The following ALDH4A1 variants were observed in gnomAD, a reference collection of about 807,000 sequenced individuals.
The protein encoded by ALDH4A1 is aldehyde dehydrogenase 4 family member A1.
ALDH4A1 carries 46 observed loss-of-function variants against 70.5 expected under a neutral mutation model. That is an observed-to-expected ratio of 0.65 (90% CI 0.51 to 0.83). The LOEUF is 0.83. Among genes scored for constraint, ALDH4A1 ranks in the 40% least tolerant of loss-of-function variants. ALDH4A1 has a pLI of 0.00. For synonymous variants in ALDH4A1, 323 were observed against 324.3 expected, an observed-to-expected ratio of 1.00 and a Z score of 0.04; for missense variants, 749 against 766.5, an observed-to-expected ratio of 0.98 and a Z score of 0.27.
At chr1:18,891,933 CAGA>C (rs1210534012) in intron 1 of ALDH4A1, among the ~76,000 whole-genome samples, 2 of 151,714 alleles carry the variant, frequency 1.3e-5, no homozygotes, top group Non-Finnish European at 2.9e-5. Flanking sequence ...GAGGCTGAGG[CAGA>C]AGAATCACAT....
intron 1 of ALDH4A1, among the ~76,000 whole-genome samples, chr1:18,894,865 CTTT>C (rs34445898): frequency 2.3e-4 from 25 of 109,914 alleles, no homozygotes; most frequent in Admixed American, 4.1e-4. Flanking sequence ...TTCTTTCTTT[CTTT>C]TTTTTTTTTT....
intron 12 of ALDH4A1, among the ~76,000 whole-genome samples, chr1:18,876,022 A>G (rs538203208): frequency 1.4e-4 from 22 of 152,308 alleles, no homozygotes; most frequent in Non-Finnish European, 2.8e-4. Context: ...CTGGCCCCAC[A>G]GTAAAAGTCT....
intron 9 of ALDH4A1, 80 bp from the exon 10 acceptor site, chr1:18,877,692 C>A: frequency 6.6e-7 from 1 of 1,513,466 alleles, no homozygotes; most frequent in Non-Finnish European, 9.0e-7. Context: ...CCACCTACGC[C>A]ATCCATGGCC....
Position 18,885,478 on chromosome 1 carries a change from C to T in ALDH4A1, c.448G>A (p.Gly150Arg). The change falls in exon 5 of 15, where the codon GGA (glycine) becomes AGA (arginine). Residue 150 changes from glycine to arginine, a missense_variant. Transcript: ENST00000375341. The stretch of plus-strand genomic sequence containing the variant: ...CGGGCCCACCAGCACCTCACCTGTC[C>T]CACCATGGTCTTGGCGAGGATCTCA... The part of the protein sequence containing the change: ...RAEILAKTMV[G>R]QGKTVIQAEI... 1 of 1,433,202 alleles carries T rather than the reference C, an allele frequency of 7.0e-7. No homozygotes were observed. The highest frequency in any genetic ancestry group is 9.3e-7 in the Non-Finnish European group (1 of 1,073,228). 88.8% of individuals were successfully genotyped at this position (1,433,202 alleles called of 1,614,324 possible).
chr1:18,890,908 T>G, intron 1 of ALDH4A1: 1 of 985,248 alleles, frequency 1.0e-6, no homozygotes, highest in Non-Finnish European at 1.2e-6. Flanking sequence ...CTGAGAGCTC[T>G]GGCTGGGCAG....
At position 18,888,561 on chromosome 1, in the gene ALDH4A1, C is replaced by T. The variant is rs561796074; in HGVS notation, c.249+801G>A. Among the ~76,000 whole-genome samples the T allele has an allele frequency of 4.6e-5, 7 of 152,352 alleles. No individual in the cohort carries two copies. In the East Asian group the frequency reaches 1.2e-3, roughly 25 times the overall value. ...ATCCCAGCTGCCATGCAGCCTCAGA[C>T]GCCTGCGGAGCTACAGGTGAGGGCA... On this transcript the variant is annotated intron_variant, in intron 3 of 14. Transcript: ENST00000375341.
intron 1 of ALDH4A1, among the ~76,000 whole-genome samples, chr1:18,895,750 C>T (rs187416812): frequency 1.3e-5 from 2 of 152,302 alleles, no homozygotes; most frequent in Admixed American, 1.3e-4. Context: ...ACACAGAGGG[C>T]CCAGACTCCA....
At chr1:18,892,869 C>A (rs180824304) in intron 1 of ALDH4A1, among the ~76,000 whole-genome samples, 40 of 152,320 alleles carry the variant, frequency 2.6e-4, no homozygotes, top group Admixed American at 1.7e-3. Context: ...GCACGGCCCT[C>A]TTCCATCTAC....
At chr1:18,893,981 T>C (rs1036264436) in intron 1 of ALDH4A1, among the ~76,000 whole-genome samples, 3 of 152,230 alleles carry the variant, frequency 2.0e-5, no homozygotes, top group African/African-American at 7.2e-5. Context: ...AACTACTTAA[T>C]CCTTCTTTCT....
At chr1:18,878,931 T>C (rs557652195) in intron 9 of ALDH4A1, among the ~76,000 whole-genome samples, 10 of 152,376 alleles carry the variant, frequency 6.6e-5, no homozygotes, top group Non-Finnish European at 1.0e-4. Context: ...TCATTCCCAC[T>C]TCTGGTCTCT....
chr1:18,873,648 G>A (rs1934542039), intron 14 of ALDH4A1, among the ~76,000 whole-genome samples: 1 of 152,208 alleles, frequency 6.6e-6, no homozygotes, highest in Non-Finnish European at 1.5e-5. Flanking sequence ...ATGCCAAGGG[G>A]GTGGCACAGC....
chr1:18,877,516 T>C lies in ALDH4A1; in HGVS notation c.1037A>G (p.Gln346Arg). The C allele has an allele frequency of 6.2e-7, 1 of 1,611,266 alleles. No individual in the cohort carries two copies. The highest frequency in any genetic ancestry group is 8.5e-7 in the Non-Finnish European group (1 of 1,179,136). Residue 346 changes from glutamine (Q) to arginine (R), a missense_variant, in exon 10 of 15, where the codon CAG becomes CGG. Transcript: ENST00000375341. ...GAGACGCGAGCACGCGGAACACTTC[T>C]GGCCACCGTACTCGAAGGCTGAGCG... ...TLRSAFEYGG[Q>R]KCSACSRLYV...
chr1:18,881,571 CA>C (rs1378575886), intron 8 of ALDH4A1, 128 bp downstream of exon 8: 2 of 992,796 alleles, frequency 2.0e-6, no homozygotes, highest in Non-Finnish European at 3.1e-6. Context: ...CACTCATAGC[CA>C]CACAGCAAGT....
chr1:18,885,545 G>C lies in ALDH4A1; in HGVS notation c.381C>G (p.Ile127Met), dbSNP rs147348663. The C allele has an allele frequency of 6.3e-5, 102 of 1,610,550 alleles. No homozygotes were observed. Among genetic ancestry groups the C allele is most frequent in the Non-Finnish European group, 7.6e-5 (90 of 1,178,842 alleles). Residue 127 changes from isoleucine to methionine, a missense_variant, in exon 5 of 15, where the codon ATC (isoleucine) becomes ATG (methionine). Coordinates refer to ENST00000375341, the MANE Select transcript of ALDH4A1 (RefSeq NM_003748.4). ...TCAGCATGTCTGCCGCCTTCAGGAAGATCTGGGCCCGGTCTGCAATAGGCT... is the reference window on the plus strand; with the variant it reads ...TCAGCATGTCTGCCGCCTTCAGGAACATCTGGGCCCGGTCTGCAATAGGCT... Reference protein sequence around the residue: ...DLKPIADRAQIFLKAADMLSG... With the variant: ...DLKPIADRAQMFLKAADMLSG...
Position 18,890,000 on chromosome 1 carries a change from C to A in ALDH4A1, c.156+12G>T, listed in dbSNP as rs1465110274. 2 of 1,596,650 alleles carry A rather than the reference C, an allele frequency of 1.3e-6. No individual in the cohort carries two copies. The highest frequency in any genetic ancestry group is 1.7e-6 in the Non-Finnish European group (2 of 1,170,782). ...CCCTGCACCTCTCGGGTGCCTCCCACCCTCCCATTACCTTTTGCAGGGCAT... is the reference window on the plus strand; with the variant it reads ...CCCTGCACCTCTCGGGTGCCTCCCAACCTCCCATTACCTTTTGCAGGGCAT... On this transcript the variant is annotated intron_variant, in intron 2 of 14. Coordinates refer to ENST00000375341, the MANE Select transcript of ALDH4A1 (RefSeq NM_003748.4).
chr1:18,899,410 G>T (rs544819485), intron 1 of ALDH4A1, among the ~76,000 whole-genome samples: 5 of 152,212 alleles, frequency 3.3e-5, no homozygotes, highest in Non-Finnish European at 7.3e-5. Context: ...TCATGTCTGG[G>T]CTTGGCACAA....
intron 1 of ALDH4A1, among the ~76,000 whole-genome samples, chr1:18,890,394 C>G (rs981002623): frequency 6.6e-6 from 1 of 152,168 alleles, no homozygotes; most frequent in African/African-American, 2.4e-5. Flanking sequence ...ATATTTTAAA[C>G]GTTAGCCAGG....
At chr1:18,879,890 T>C (rs1192970771) in intron 8 of ALDH4A1, among the ~76,000 whole-genome samples, 4 of 152,184 alleles carry the variant, frequency 2.6e-5, no homozygotes, top group Non-Finnish European at 5.9e-5. Context: ...GCCACCACCC[T>C]GGAGGGCCTC....
chr1:18,882,334 C>A (rs371575318), intron 7 of ALDH4A1, among the ~76,000 whole-genome samples: 1 of 152,184 alleles, frequency 6.6e-6, no homozygotes, highest in Admixed American at 6.5e-5. Flanking sequence ...AGGACGTCCC[C>A]ATCCATGTCC....
Sources: gnomAD v4.1 joint callset for allele counts (sites outside exome capture counted in the v4.1 genomes callset) on GRCh38, gnomAD v4.1.1 for gene constraint, MANE v1.5 for transcripts, NCBI Gene and HGNC (gene_info 2026-07-23, HGNC 2026-07-21) for gene names.